The following TBC1D22A variants were observed in gnomAD, a reference collection of about 807,000 sequenced individuals.
The protein encoded by TBC1D22A is putative GTPase activator.
Under a neutral mutation model 60.2 loss-of-function variants are expected in TBC1D22A, and 38 were observed. That is an observed-to-expected ratio of 0.63 (90% CI 0.49 to 0.83). The LOEUF is 0.83. TBC1D22A is among the 40% of genes least tolerant of loss of function. The probability of loss-of-function intolerance (pLI) is 0.00; values close to 1 mark genes in which losing one functional copy is unlikely to be tolerated. For missense variants in TBC1D22A, 628 were observed against 701.0 expected (o/e 0.90, Z 1.18); for synonymous variants, 302 against 281.7 (o/e 1.07, Z -0.72).
chr22:46,900,058 C>G (rs1316699526), intron 7 of TBC1D22A, among the ~76,000 whole-genome samples: 1 of 151,854 alleles, frequency 6.6e-6, no homozygotes, highest in Non-Finnish European at 1.5e-5. Context: ...TTTCTCCTTC[C>G]CTTTCTCTTT....
chr22:47,083,381 A>G (rs989595143), intron 11 of TBC1D22A, among the ~76,000 whole-genome samples: 2 of 147,128 alleles, frequency 1.4e-5, no homozygotes, highest in African/African-American at 5.1e-5. Context: ...ACACACACAC[A>G]CGAGTCAAAA....
chr22:46,953,616 A>G (rs1439472161), intron 8 of TBC1D22A, among the ~76,000 whole-genome samples: 3 of 152,152 alleles, frequency 2.0e-5, no homozygotes, highest in African/African-American at 4.8e-5. Context: ...TTTTTGAAAC[A>G]TATTTTTACT....
At chr22:46,944,147 C>T (rs187425657) in intron 8 of TBC1D22A, among the ~76,000 whole-genome samples, 3 of 152,332 alleles carry the variant, frequency 2.0e-5, no homozygotes, top group Admixed American at 2.0e-4. Flanking sequence ...CATTTACCAT[C>T]CCATCAGCAA....
chr22:46,874,780 C>T (rs948128174), intron 4 of TBC1D22A, among the ~76,000 whole-genome samples: 2 of 151,762 alleles, frequency 1.3e-5, no homozygotes, highest in South Asian at 2.1e-4. Flanking sequence ...CACCATGTTG[C>T]CCAGGCTGGT....
intron 11 of TBC1D22A, among the ~76,000 whole-genome samples, chr22:47,060,981 C>G (rs1460012834): frequency 6.6e-6 from 1 of 152,228 alleles, no homozygotes; most frequent in Non-Finnish European, 1.5e-5. Context: ...TGGAATGACA[C>G]TTGGGATCAT....
chr22:47,146,903 T>C (rs2067304707), intron 12 of TBC1D22A, among the ~76,000 whole-genome samples: 1 of 152,220 alleles, frequency 6.6e-6, no homozygotes, highest in Non-Finnish European at 1.5e-5. Flanking sequence ...CTCCACCCTT[T>C]TGGATGACAC....
intron 12 of TBC1D22A, among the ~76,000 whole-genome samples, chr22:47,127,181 T>C (rs1008638139): frequency 6.6e-6 from 1 of 152,030 alleles, no homozygotes; most frequent in African/African-American, 2.4e-5. Flanking sequence ...TTGCCCCATG[T>C]GGAATTGGCA....
At chr22:46,778,953 A>G (rs1053062969) in intron 1 of TBC1D22A, among the ~76,000 whole-genome samples, 21 of 152,196 alleles carry the variant, frequency 1.4e-4, no homozygotes, top group Non-Finnish European at 2.9e-4. Context: ...CTGAGGCAGG[A>G]GAATCGCTTG....
chr22:46,937,832 CAA>C (rs2071747660), intron 8 of TBC1D22A, among the ~76,000 whole-genome samples: 1 of 141,100 alleles, frequency 7.1e-6, no homozygotes, highest in Non-Finnish European at 1.5e-5. Context: ...TAGCATTTAA[CAA>C]AAAAGTTGAA....
intron 12 of TBC1D22A, among the ~76,000 whole-genome samples, chr22:47,149,160 G>A (rs566010373): frequency 6.6e-6 from 1 of 152,248 alleles, no homozygotes; most frequent in South Asian, 2.1e-4. Flanking sequence ...ATGGCTCGGG[G>A]GCCCTTCCAG....
At chr22:47,126,138 C>T (rs979969643) in intron 12 of TBC1D22A, among the ~76,000 whole-genome samples, 7 of 152,156 alleles carry the variant, frequency 4.6e-5, no homozygotes, top group Admixed American at 6.5e-5. Flanking sequence ...CACGCTACCA[C>T]GCCCGTCTAA....
At chr22:46,823,239 A>T (rs1227165653) in intron 4 of TBC1D22A, among the ~76,000 whole-genome samples, 2 of 152,234 alleles carry the variant, frequency 1.3e-5, no homozygotes, top group East Asian at 3.8e-4. Context: ...GTGGTGATTC[A>T]TGGTGACCCA....
intron 8 of TBC1D22A, among the ~76,000 whole-genome samples, chr22:46,917,992 A>G (rs60639742): frequency 0.086 from 13,073 of 152,194 alleles, 1,054 homozygotes; most frequent in African/African-American, 0.21. Context: ...CCAGATCCAG[A>G]CGCTGCCCCT....
chr22:47,077,153 TGAA>T (rs1194098744), intron 11 of TBC1D22A, among the ~76,000 whole-genome samples: 3 of 152,224 alleles, frequency 2.0e-5, no homozygotes, highest in Admixed American at 6.5e-5. Context: ...ATTCTCTTAT[TGAA>T]GAAGAAGGGG....
chr22:46,889,454 G>A (rs1003533594), intron 5 of TBC1D22A, among the ~76,000 whole-genome samples: 21 of 152,138 alleles, frequency 1.4e-4, no homozygotes, highest in African/African-American at 4.8e-4. Flanking sequence ...AGAAAAAGAG[G>A]TGACATCTTA....
intron 4 of TBC1D22A, among the ~76,000 whole-genome samples, chr22:46,836,743 T>G (rs1056940020): frequency 2.0e-5 from 3 of 152,128 alleles, no homozygotes; most frequent in Non-Finnish European, 4.4e-5. Flanking sequence ...GTGACTCACT[T>G]TAGTTTTAGT....
chr22:47,067,565 G>A (rs372282317), intron 11 of TBC1D22A, among the ~76,000 whole-genome samples: 3 of 152,122 alleles, frequency 2.0e-5, no homozygotes, highest in African/African-American at 7.2e-5. Context: ...TAAAGGCGCC[G>A]GCTCCAAAGA....
chr22:46,943,231 G>A (rs1250901616), intron 8 of TBC1D22A, among the ~76,000 whole-genome samples: 2 of 152,162 alleles, frequency 1.3e-5, no homozygotes, highest in African/African-American at 4.8e-5. Flanking sequence ...CATCCATCTC[G>A]GTGTAATTAA....
chr22:46,807,073 A>C (rs559233939), intron 4 of TBC1D22A, among the ~76,000 whole-genome samples: 1 of 152,354 alleles, frequency 6.6e-6, no homozygotes, highest in Admixed American at 6.5e-5. Context: ...CGCAGATTCT[A>C]CAGGTGCATC....
Sources: allele counts gnomAD v4.1 joint callset (sites outside exome capture counted in the v4.1 genomes callset), GRCh38; gene constraint gnomAD v4.1.1; transcripts MANE v1.5; gene names NCBI Gene and HGNC (gene_info 2026-07-23, HGNC 2026-07-21).